TMEM117: variants seen among roughly 807,000 people sequenced by gnomAD.
TMEM117 encodes the protein transmembrane protein 117.
Under a neutral mutation model 52.4 loss-of-function variants are expected in TMEM117, and 27 were observed. The ratio of observed to expected loss-of-function variants is 0.51; its 90% CI spans 0.38 to 0.71. The LOEUF (loss-of-function observed/expected upper bound fraction) is 0.71, where lower values mean the gene tolerates loss of function less well. TMEM117 is among the 30% of genes least tolerant of loss of function. TMEM117 has a pLI of 0.00. For synonymous variants in TMEM117, 215 were observed against 206.3 expected, an observed-to-expected ratio of 1.04 and a Z score of -0.36; for missense variants, 556 against 630.5, an observed-to-expected ratio of 0.88 and a Z score of 1.26.
intron 6 of TMEM117, among the ~76,000 whole-genome samples, chr12:44,344,762 G>T (rs1250456190): frequency 6.6e-6 from 1 of 152,054 alleles, no homozygotes; most frequent in Non-Finnish European, 1.5e-5. Context: ...CAGTATCATT[G>T]TCCAGTCACA....
At chr12:44,369,267 A>G (rs1951830602) in intron 6 of TMEM117, among the ~76,000 whole-genome samples, 1 of 152,182 alleles carries the variant, frequency 6.6e-6, no homozygotes, top group South Asian at 2.1e-4. Flanking sequence ...GTTTCATCAG[A>G]CACATTTCTA....
intron 3 of TMEM117, among the ~76,000 whole-genome samples, chr12:44,101,439 G>A (rs1049088497): frequency 6.6e-6 from 1 of 151,776 alleles, no homozygotes; most frequent in African/African-American, 2.4e-5. Context: ...TTCCCTGAAT[G>A]TGGGTCCAAA....
chr12:43,954,435 A>G (rs933766034), intron 3 of TMEM117, among the ~76,000 whole-genome samples: 1 of 152,184 alleles, frequency 6.6e-6, no homozygotes, highest in Non-Finnish European at 1.5e-5. Context: ...GAAGACTCAA[A>G]TAAACACAAT....
At chr12:43,806,513 C>A in the TMEM117 span, 69 of 561,100 alleles carry the variant, frequency 1.2e-4, 1 homozygote, top group South Asian at 1.3e-3. Flanking sequence ...CCGCCTCTCC[C>A]GCTTCTTCCG....
At chr12:44,303,980 C>T (rs1950873998) in intron 6 of TMEM117, among the ~76,000 whole-genome samples, 1 of 152,090 alleles carries the variant, frequency 6.6e-6, no homozygotes, top group African/African-American at 2.4e-5. Flanking sequence ...AGTGATCGTC[C>T]CCCTATAGGA....
intron 5 of TMEM117, among the ~76,000 whole-genome samples, chr12:44,249,919 G>A (rs1240634954): frequency 6.6e-6 from 1 of 152,152 alleles, no homozygotes; most frequent in African/African-American, 2.4e-5. Flanking sequence ...TACGATTCAG[G>A]ACATGGGCAT....
Position 44,261,974 on chromosome 12 carries a change from T to C in TMEM117, c.609-37606T>C, listed in dbSNP as rs535630695. 2.6e-5 allele frequency among the ~76,000 whole-genome samples: 4 copies of C among 152,308 alleles called. No individual in the cohort carries two copies. In the South Asian group the frequency reaches 8.3e-4, roughly 32 times the overall value. On this transcript the variant is annotated intron_variant, in intron 5 of 7. Transcript: ENST00000266534. The stretch of plus-strand genomic sequence containing the variant: ...GTTCAAAGGTGGAGAATTACCTTGT[T>C]TAATGAAATGGAATGTAAACAGCCA...
Position 44,332,851 on chromosome 12 carries a change from C to G in TMEM117, c.768+33112C>G, listed in dbSNP as rs1312412605. On this transcript the variant is annotated intron_variant, in intron 6 of 7. Coordinates refer to ENST00000266534, the MANE Select transcript of TMEM117 (RefSeq NM_032256.3). ...GCATTTTCATAGTAAGTATAATTCTCTGTGTGTGTGTACACAGCTTTAATT... is the reference window on the plus strand; with the variant it reads ...GCATTTTCATAGTAAGTATAATTCTGTGTGTGTGTGTACACAGCTTTAATT... Among the ~76,000 whole-genome samples, 5 of 151,892 alleles carry G rather than the reference C, an allele frequency of 3.3e-5. No individual in the cohort carries two copies. In the East Asian group the frequency reaches 9.7e-4, roughly 29 times the overall value.
intron 3 of TMEM117, among the ~76,000 whole-genome samples, chr12:43,976,044 T>A (rs1391293415): frequency 6.6e-6 from 1 of 152,180 alleles, no homozygotes; most frequent in East Asian, 1.9e-4. Context: ...GATGGTGTGA[T>A]GGCTTGAAAG....
chr12:44,235,150 CATT>C (rs1949980177), intron 5 of TMEM117, among the ~76,000 whole-genome samples: 1 of 151,452 alleles, frequency 6.6e-6, no homozygotes, highest in South Asian at 2.1e-4. Flanking sequence ...TGTAAGCCAT[CATT>C]TTTTGTCATT....
intron 3 of TMEM117, among the ~76,000 whole-genome samples, chr12:43,949,616 T>C (rs1018067314): frequency 1.3e-4 from 20 of 152,180 alleles, no homozygotes; most frequent in African/African-American, 4.8e-4. Flanking sequence ...TTGCTATCTG[T>C]TGGGAGACTG....
At chr12:44,051,992 A>G (rs13378086) in intron 3 of TMEM117, among the ~76,000 whole-genome samples, 3,737 of 151,948 alleles carry the variant, frequency 0.025, 82 homozygotes, top group Middle Eastern at 0.058. Context: ...CTCCTCAGTC[A>G]TGTGCAATAT....
chr12:44,327,069 T>C (rs951877811), intron 6 of TMEM117, among the ~76,000 whole-genome samples: 6 of 152,168 alleles, frequency 3.9e-5, no homozygotes, highest in African/African-American at 1.4e-4. Context: ...TTACCTATAT[T>C]TTTATGTATT....
intron 2 of TMEM117, among the ~76,000 whole-genome samples, chr12:43,876,883 CCT>C (rs1002474277): frequency 7.2e-5 from 11 of 152,072 alleles, no homozygotes; most frequent in African/African-American, 2.4e-4. Flanking sequence ...CCTCAATACC[CCT>C]CTCTTTTAAA....
intron 2 of TMEM117, among the ~76,000 whole-genome samples, chr12:43,927,883 A>G (rs892602626): frequency 2.0e-5 from 3 of 151,874 alleles, no homozygotes; most frequent in Non-Finnish European, 4.4e-5. Flanking sequence ...TTGTCTTTTA[A>G]CTGGCAAGAT....
At chr12:43,961,258 ATATT>A (rs776402113) in intron 3 of TMEM117, among the ~76,000 whole-genome samples, 3 of 125,582 alleles carry the variant, frequency 2.4e-5, no homozygotes, top group Admixed American at 9.3e-5. Context: ...CTCTCAATAA[ATATT>A]AATTGCTGTA....
chr12:44,362,638 A>G (rs141382316), intron 6 of TMEM117, among the ~76,000 whole-genome samples: 20 of 152,222 alleles, frequency 1.3e-4, no homozygotes, highest in African/African-American at 4.8e-4. Context: ...AACAAGTGTT[A>G]GCTTAGAATT....
chr12:44,022,198 T>A (rs1170524457), intron 3 of TMEM117, among the ~76,000 whole-genome samples: 1 of 152,224 alleles, frequency 6.6e-6, no homozygotes, highest in Non-Finnish European at 1.5e-5. Flanking sequence ...GAGCCTTGAT[T>A]ACTCATTAGC....
At chr12:43,930,414 T>C (rs1406423519) in intron 2 of TMEM117, among the ~76,000 whole-genome samples, 1 of 152,208 alleles carries the variant, frequency 6.6e-6, no homozygotes, top group Non-Finnish European at 1.5e-5. Flanking sequence ...TGAATTTCAA[T>C]TTTTATCTCT....
Sources: gnomAD v4.1 joint callset for allele counts (sites outside exome capture counted in the v4.1 genomes callset) on GRCh38, gnomAD v4.1.1 for gene constraint, MANE v1.5 for transcripts, NCBI Gene and HGNC (gene_info 2026-07-23, HGNC 2026-07-21) for gene names.